SAMM50: variants seen among roughly 807,000 people sequenced by gnomAD.
The protein encoded by SAMM50 is SAMM50 sorting and assembly machinery component.
SAMM50 carries 47 observed loss-of-function variants against 66.9 expected under a neutral mutation model. The observed-to-expected ratio is 0.70, with a 90% confidence interval of 0.56 to 0.90. The LOEUF is 0.90. Ranked by LOEUF, SAMM50 falls within the 40% of genes least tolerant of loss-of-function variation. The pLI is 0.00. For missense variants in SAMM50, 535 were observed against 595.3 expected (o/e 0.90, Z 1.05); for synonymous variants, 191 against 214.1 (o/e 0.89, Z 0.94).
Position 43,981,426 on chromosome 22 carries a change from A to C in SAMM50, c.972A>C (p.Val324=). ...FSASFWGGML[V]PIGDKPSSIA... Reference sequence around the variant, plus strand: ...CGTCTTTCTGGGGCGGAATGTTGGTACCCATTGGTGATAAGCCGTCAAGCA... The same window carrying C: ...CGTCTTTCTGGGGCGGAATGTTGGTCCCCATTGGTGATAAGCCGTCAAGCA... The change falls in exon 11 of 15, where the codon GTA becomes GTC. Residue 324 remains valine, a synonymous_variant. Transcript: ENST00000350028. 1.9e-6 allele frequency: 3 copies of C among 1,613,794 alleles called. No homozygotes were observed. Among genetic ancestry groups the C allele is most frequent in the Non-Finnish European group, 1.7e-6 (2 of 1,179,758 alleles).
chr22:43,968,226 C>CAAAAAAAAAAAAAAAAAAAAAAAAAA (rs66961907), intron 3 of SAMM50, among the ~76,000 whole-genome samples: 15 of 68,644 alleles, frequency 2.2e-4, no homozygotes, highest in Non-Finnish European at 2.8e-4. Context: ...AACTCTGTCT[C>CAAAAAAAAAAAAAAAAAAAAAAAAAA]AAAAAAAAAA....
At chr22:43,968,057 G>T (rs2050182404) in intron 3 of SAMM50, among the ~76,000 whole-genome samples, 1 of 151,330 alleles carries the variant, frequency 6.6e-6, no homozygotes, top group African/African-American at 2.4e-5. Context: ...TCCTATGTCT[G>T]CTAAACATAC....
intron 1 of SAMM50, among the ~76,000 whole-genome samples, chr22:43,959,575 C>T (rs2050138386): frequency 1.3e-5 from 2 of 150,926 alleles, no homozygotes; most frequent in South Asian, 2.1e-4. Flanking sequence ...CACTATGTTG[C>T]CCAGGCTGGT....
chr22:43,991,790 T>C (rs987400445), intron 14 of SAMM50, among the ~76,000 whole-genome samples: 16 of 152,364 alleles, frequency 1.1e-4, no homozygotes, highest in Non-Finnish European at 1.9e-4. Context: ...GCCTTGCCAC[T>C]GTGTCCTCAC....
intron 1 of SAMM50, among the ~76,000 whole-genome samples, chr22:43,962,902 TTTTTTTTTTTTTA>T (rs1002162576): frequency 7.8e-6 from 1 of 128,804 alleles, no homozygotes; most frequent in African/African-American, 3.0e-5. Flanking sequence ...TTTTTTTTTT[TTTTTTTTTTTTTA>T]GAGATGGGGT....
At chr22:43,961,288 C>G (rs922418921) in intron 1 of SAMM50, among the ~76,000 whole-genome samples, 2 of 151,828 alleles carry the variant, frequency 1.3e-5, no homozygotes, top group Admixed American at 1.3e-4. Flanking sequence ...TGGTGCCACA[C>G]TAGACCTTCT....
intron 14 of SAMM50, among the ~76,000 whole-genome samples, chr22:43,993,167 G>T (rs1006813300): frequency 2.6e-5 from 4 of 152,208 alleles, no homozygotes; most frequent in Non-Finnish European, 5.9e-5. Flanking sequence ...GGGTGGTTTT[G>T]AGTGGTTGAC....
chr22:43,996,524 A>G lies in SAMM50; in HGVS notation c.*141A>G. The stretch of plus-strand genomic sequence containing the variant: ...AACCCCGTCAATAAATGTTAAAGAC[A>G]CACTCCGAGGCAGCGTGGATGTGGT... On this transcript the variant is annotated 3_prime_UTR_variant, in exon 15 of 15. Transcript: ENST00000350028. 1.2e-6 allele frequency: 1 copy of G among 848,150 alleles called. No homozygotes were observed. The allele number at this position is 848,150 out of a possible 1,614,324, so 52.5% of individuals were successfully genotyped here.
intron 1 of SAMM50, among the ~76,000 whole-genome samples, chr22:43,961,305 A>G (rs935170772): frequency 2.6e-5 from 4 of 152,220 alleles, no homozygotes; most frequent in African/African-American, 9.6e-5. Flanking sequence ...TTCTGTGTCC[A>G]TCTCTAAGAG....
intron 14 of SAMM50, among the ~76,000 whole-genome samples, chr22:43,992,385 G>A (rs1569037023): frequency 6.6e-6 from 1 of 152,250 alleles, no homozygotes; most frequent in Non-Finnish European, 1.5e-5. Context: ...GACACGGCAG[G>A]GGCTGCCAGG....
chr22:43,996,092 G>A (rs1251581120), intron 14 of SAMM50: 1 of 625,060 alleles, frequency 1.6e-6, no homozygotes, highest in Non-Finnish European at 2.9e-6. Context: ...TAGTGCAGGA[G>A]GATTTGGGTC....
chr22:43,977,849 A>C (rs1337705643), intron 9 of SAMM50, 23 bp from the exon 10 acceptor site: 1 of 1,564,642 alleles, frequency 6.4e-7, no homozygotes, highest in Admixed American at 1.7e-5. Context: ...GCTCCCTTTG[A>C]CCTGAGTGCT....
At chr22:43,971,801 G>T (rs954419548) in intron 4 of SAMM50, among the ~76,000 whole-genome samples, 3 of 152,034 alleles carry the variant, frequency 2.0e-5, no homozygotes, top group African/African-American at 7.2e-5. Context: ...GCCTCCAACT[G>T]CTGGGCTCAA....
At chr22:43,966,026 A>G (rs1166916407) in intron 3 of SAMM50, among the ~76,000 whole-genome samples, 1 of 152,112 alleles carries the variant, frequency 6.6e-6, no homozygotes, top group Admixed American at 6.6e-5. Flanking sequence ...TTTTCTGTAG[A>G]GACGGGGTTT....
At position 43,996,452 on chromosome 22, in the gene SAMM50, T is replaced by C; in HGVS notation, c.*69T>C. The C allele has an allele frequency of 6.9e-7, 1 of 1,444,590 alleles. No individual in the cohort carries two copies. Among genetic ancestry groups the C allele is most frequent in the Non-Finnish European group, 9.7e-7 (1 of 1,025,818 alleles). 89.5% of individuals were successfully genotyped at this position (1,444,590 alleles called of 1,614,324 possible). A position where few individuals can be genotyped will look rare whatever the true frequency, so the allele number is the denominator to read the frequency against. ...AGGCGCCCATGCCACACACCGTCTC[T>C]CGAGGAAACGCGGTTCAGCGATTCT... is the stretch of plus-strand genomic sequence containing the variant. On this transcript the variant is annotated 3_prime_UTR_variant, in exon 15 of 15. Coordinates refer to ENST00000350028, the MANE Select transcript of SAMM50 (RefSeq NM_015380.5).
In SAMM50 at chr22:43,963,455, A is replaced by C; in HGVS notation, c.132+59A>C. 5 of 998,230 alleles carry C rather than the reference A, an allele frequency of 5.0e-6. No individual in the cohort carries two copies. The South Asian group carries it at 6.1e-5, about 12-fold the overall frequency. The allele number at this position is 998,230 out of a possible 1,614,324, so 61.8% of individuals were successfully genotyped here. A position where few individuals can be genotyped will look rare whatever the true frequency, so the allele number is the denominator to read the frequency against. ...TTAGTGGAAACATTCACTTCCATAC[A>C]CCACTAGGGAGATGTAAAGGAATTA... On this transcript the variant is annotated intron_variant, in intron 2 of 14. Coordinates refer to ENST00000350028, the MANE Select transcript of SAMM50 (RefSeq NM_015380.5).
Position 43,968,732 on chromosome 22 carries a change from T to G in SAMM50, c.236T>G (p.Val79Gly), listed in dbSNP as rs1211488493. 1 of 1,605,054 alleles carries G rather than the reference T, an allele frequency of 6.2e-7. No homozygotes were observed. ...TGTTTTTCTTCCCCCATTTTATAGG[T>G]AATGCGGAAATCTCATGAAGCCCGT... ...DVFKAKNLIEVMRKSHEAREK... is the reference protein window; with the variant it reads ...DVFKAKNLIEGMRKSHEAREK... Residue 79 changes from valine (V) to glycine (G), a missense_variant and splice_region_variant, in exon 4 of 15, where the codon GTA (valine) becomes GGA (glycine). Val to Gly is a moderately radical substitution (Grantham distance 109). Transcript: ENST00000350028.
intron 1 of SAMM50, among the ~76,000 whole-genome samples, chr22:43,960,260 G>A (rs1257432681): frequency 6.6e-6 from 1 of 152,122 alleles, no homozygotes; most frequent in Non-Finnish European, 1.5e-5. Context: ...TCCATTCTTT[G>A]CCTAACATGA....
intron 1 of SAMM50, 92 bp downstream of exon 1, chr22:43,955,690 G>A: frequency 1.4e-6 from 2 of 1,387,654 alleles, no homozygotes; most frequent in African/African-American, 1.4e-5. Context: ...CTGCGCCCAG[G>A]GTTCACCGGG....
Sources: allele counts gnomAD v4.1 joint callset (sites outside exome capture counted in the v4.1 genomes callset), GRCh38; gene constraint gnomAD v4.1.1; transcripts MANE v1.5; gene names NCBI Gene and HGNC (gene_info 2026-07-23, HGNC 2026-07-21).